Variants in HNMT observed in about 807,000 individuals in gnomAD.
HNMT encodes histamine N-methyltransferase.
Under a neutral mutation model 32.1 loss-of-function variants are expected in HNMT, and 30 were observed. The ratio of observed to expected loss-of-function variants is 0.93; its 90% CI spans 0.70 to 1.27. The LOEUF is 1.27. Among genes scored for constraint, HNMT ranks in the 50% most tolerant of loss-of-function variants. HNMT has a pLI of 0.00. For synonymous variants in HNMT, 125 were observed against 119.0 expected, an observed-to-expected ratio of 1.05 and a Z score of -0.33; for missense variants, 327 against 346.0, an observed-to-expected ratio of 0.95 and a Z score of 0.43.
At chr2:137,989,225 C>T (rs1320625557) in intron 2 of HNMT, among the ~76,000 whole-genome samples, 3 of 152,166 alleles carry the variant, frequency 2.0e-5, no homozygotes, top group African/African-American at 7.2e-5. Context: ...ATCTATGCTC[C>T]ACCCCTTCAC....
chr2:138,006,206 A>G (rs1681327564), intron 5 of HNMT, among the ~76,000 whole-genome samples: 1 of 151,964 alleles, frequency 6.6e-6, no homozygotes, highest in Non-Finnish European at 1.5e-5. Flanking sequence ...CCCATTTAGA[A>G]GGGCTTATGG....
intron 1 of HNMT, among the ~76,000 whole-genome samples, chr2:137,965,116 G>C (rs1040017592): frequency 1.3e-5 from 2 of 152,062 alleles, no homozygotes; most frequent in African/African-American, 4.8e-5. Flanking sequence ...CATTGTTATA[G>C]TTATCACTCT....
intron 2 of HNMT, among the ~76,000 whole-genome samples, chr2:137,981,884 TTCTC>T (rs1485624048): frequency 6.6e-6 from 1 of 152,068 alleles, no homozygotes; most frequent in African/African-American, 2.4e-5. Context: ...AACAGAGTCT[TTCTC>T]TGTCACCCAG....
intron 4 of HNMT, 57 bp downstream of exon 4, chr2:138,002,251 A>G: frequency 1.7e-6 from 2 of 1,190,700 alleles, no homozygotes; most frequent in African/African-American, 1.6e-5. Flanking sequence ...GAATATATAT[A>G]TAATGAATAT....
At chr2:137,981,147 G>T in intron 2 of HNMT, 5 of 1,521,218 alleles carry the variant, frequency 3.3e-6, no homozygotes, top group Non-Finnish European at 4.4e-6. Flanking sequence ...AAAGAAGCAG[G>T]GATAGGCTGA....
chr2:138,001,963 C>A, intron 3 of HNMT, 101 bp from the exon 4 acceptor site: 2 of 854,940 alleles, frequency 2.3e-6, no homozygotes, highest in Admixed American at 3.3e-5. Flanking sequence ...TTCTTTCTAT[C>A]TGTTTGTATA....
chr2:138,013,586 CT>C, intron 5 of HNMT, among the ~76,000 whole-genome samples, 188 bp from the exon 6 acceptor site: 1 of 152,156 alleles, frequency 6.6e-6, no homozygotes. Context: ...ACTCAGATTA[CT>C]TTTTCATTTA....
intron 5 of HNMT, among the ~76,000 whole-genome samples, chr2:138,007,737 C>T (rs1681371120): frequency 6.6e-6 from 1 of 152,018 alleles, no homozygotes; most frequent in South Asian, 2.1e-4. Context: ...TAAACATGGA[C>T]ATAGTCCTAC....
At position 138,014,774 on chromosome 2, in the gene HNMT, T is replaced by C. The variant is rs1034474095; in HGVS notation, c.*644T>C. On this transcript the variant is annotated 3_prime_UTR_variant, in exon 6 of 6. Transcript: ENST00000280097. The stretch of plus-strand genomic sequence containing the variant: ...CTATTATATTCAGCCAGATTTTTTT[T>C]TAAGTCTCGGCTTCTGATACATTTT... 1 of 152,020 alleles carries C rather than the reference T, an allele frequency of 6.6e-6. No individual in the cohort carries two copies. The highest frequency in any genetic ancestry group is 2.4e-5 in the African/African-American group (1 of 41,424). The allele number at this position is 152,020 out of a possible 1,614,324, so 9.4% of individuals were successfully genotyped here. A position where few individuals can be genotyped will look rare whatever the true frequency, so the allele number is the denominator to read the frequency against.
intron 1 of HNMT, among the ~76,000 whole-genome samples, chr2:137,966,670 C>A (rs1679967484): frequency 6.6e-6 from 1 of 152,070 alleles, no homozygotes; most frequent in Admixed American, 6.6e-5. Flanking sequence ...CTATTTTGAT[C>A]CCCAAGCAGA....
chr2:137,990,159 G>A lies in HNMT; in HGVS notation c.191-10759G>A, dbSNP rs150624739. 2.7e-3 allele frequency among the ~76,000 whole-genome samples: 408 copies of A among 152,118 alleles called. 1 individual carries two copies. Among genetic ancestry groups the A allele is most frequent in the African/African-American group, 8.8e-3 (365 of 41,504 alleles). ...GGTTTCTATTTAAAAAGTCATCGCC[G>A]TACCCAAGGTCATCTAGGTTTTCCT... On this transcript the variant is annotated intron_variant, in intron 2 of 5. Transcript: ENST00000280097.
intron 2 of HNMT, among the ~76,000 whole-genome samples, chr2:137,983,213 G>GT (rs1680555741): frequency 6.6e-6 from 1 of 152,084 alleles, no homozygotes; most frequent in Non-Finnish European, 1.5e-5. Flanking sequence ...TGCCCAAGGG[G>GT]TATATCCTCC....
chr2:138,000,043 C>T (rs929817703), intron 2 of HNMT, among the ~76,000 whole-genome samples: 4 of 152,120 alleles, frequency 2.6e-5, no homozygotes, highest in African/African-American at 9.7e-5. Flanking sequence ...TTACACTAAC[C>T]CTTACAGGCT....
intron 2 of HNMT, among the ~76,000 whole-genome samples, chr2:137,996,917 G>A (rs562042269): frequency 8.5e-5 from 13 of 152,072 alleles, no homozygotes; most frequent in African/African-American, 2.4e-4. Flanking sequence ...AACAAGCAAC[G>A]GGGAAAGGAT....
intron 1 of HNMT, among the ~76,000 whole-genome samples, chr2:137,967,821 T>C (rs1680005262): frequency 6.6e-6 from 1 of 152,252 alleles, no homozygotes; most frequent in Admixed American, 6.5e-5. Context: ...AGCATTCTTT[T>C]CATCATTCCC....
intron 2 of HNMT, among the ~76,000 whole-genome samples, chr2:137,989,669 G>A (rs970479813): frequency 1.3e-5 from 2 of 152,192 alleles, no homozygotes; most frequent in African/African-American, 4.8e-5. Flanking sequence ...TTAAGAAACT[G>A]CCAAACTGTA....
At chr2:137,969,417 G>T (rs184117856) in intron 1 of HNMT, among the ~76,000 whole-genome samples, 1 of 152,060 alleles carries the variant, frequency 6.6e-6, no homozygotes, top group African/African-American at 2.4e-5. Context: ...TGCTGAATTC[G>T]TATTTATTTT....
chr2:138,003,350 T>C (rs180766544), intron 4 of HNMT, among the ~76,000 whole-genome samples: 3 of 152,212 alleles, frequency 2.0e-5, no homozygotes, highest in African/African-American at 7.2e-5. Context: ...TGGAAGTTGG[T>C]TACCAACGGG....
In HNMT at chr2:137,970,170, G is replaced by A; in HGVS notation, c.143G>A (p.Gly48Glu). Residue 48 changes from glycine to glutamate, a missense_variant, in exon 2 of 6, where the codon GGA (glycine) becomes GAA (glutamate). Gly to Glu is a moderately conservative substitution (Grantham distance 98, BLOSUM62 -2). Coordinates refer to ENST00000280097, the MANE Select transcript of HNMT (RefSeq NM_006895.3). ...KKLPGIIGRI[G>E]DTKSEIKILS... ...ACATAATTTTTTTCTTTCAGGATTG[G>A]AGACACAAAATCAGAAATTAAGATT... is the stretch of plus-strand genomic sequence containing the variant. 2 of 1,565,882 alleles carry A rather than the reference G, an allele frequency of 1.3e-6. No individual in the cohort carries two copies. Among genetic ancestry groups the A allele is most frequent in the Non-Finnish European group, 1.7e-6 (2 of 1,143,700 alleles).
Sources: gnomAD v4.1 joint callset for allele counts (sites outside exome capture counted in the v4.1 genomes callset) on GRCh38, gnomAD v4.1.1 for gene constraint, MANE v1.5 for transcripts, NCBI Gene and HGNC (gene_info 2026-07-23, HGNC 2026-07-21) for gene names.